Variants in KCNB2 observed in about 807,000 individuals in gnomAD.
KCNB2 encodes the protein potassium voltage-gated channel subfamily B member 2.
KCNB2 carries 15 observed loss-of-function variants against 61.5 expected under a neutral mutation model. That is an observed-to-expected ratio of 0.24 (90% CI 0.16 to 0.38). The LOEUF is 0.38. Ranked by LOEUF, KCNB2 falls within the 10% of genes least tolerant of loss-of-function variation. The probability of loss-of-function intolerance (pLI) is 1.00; values close to 1 mark genes in which losing one functional copy is unlikely to be tolerated. For missense variants in KCNB2, 828 were observed against 1,125.2 expected (o/e 0.74, Z 3.78); for synonymous variants, 457 against 446.0 (o/e 1.02, Z -0.31).
At chr8:72,795,311 C>T (rs943480991) in intron 2 of KCNB2, among the ~76,000 whole-genome samples, 1 of 152,154 alleles carries the variant, frequency 6.6e-6, no homozygotes, top group African/African-American at 2.4e-5. Flanking sequence ...TAAGATACAA[C>T]AGTTGTGGGC....
At chr8:72,543,018 C>T (rs897393358) in intron 1 of KCNB2, among the ~76,000 whole-genome samples, 48 of 152,122 alleles carry the variant, frequency 3.2e-4, no homozygotes, top group African/African-American at 9.4e-4. Context: ...ATGACAGAAG[C>T]ATCCCAACAG....
chr8:72,924,911 T>C (rs996574012), intron 2 of KCNB2, among the ~76,000 whole-genome samples: 3 of 152,174 alleles, frequency 2.0e-5, no homozygotes, highest in Admixed American at 6.5e-5. Context: ...ATAAAGTGGA[T>C]CACGCAAGCT....
chr8:72,830,719 T>C (rs1047958717), intron 2 of KCNB2, among the ~76,000 whole-genome samples: 7 of 152,244 alleles, frequency 4.6e-5, no homozygotes, highest in South Asian at 2.1e-4. Flanking sequence ...TGTCCTTCCA[T>C]AGGCACACCA....
intron 2 of KCNB2, among the ~76,000 whole-genome samples, chr8:72,759,623 A>G (rs1408388360): frequency 6.6e-6 from 1 of 152,176 alleles, no homozygotes; most frequent in East Asian, 1.9e-4. Context: ...TGTGATCCAC[A>G]CTAACCATTA....
At position 72,907,219 on chromosome 8, in the gene KCNB2, T is replaced by C. The variant is rs189525544; in HGVS notation, c.580-28716T>C. Reference sequence around the variant, plus strand: ...TAAAATTACAAAAATTAGCTGGGCATGGTGGCACACGCCTGTAGTTCCAGC... The same window carrying C: ...TAAAATTACAAAAATTAGCTGGGCACGGTGGCACACGCCTGTAGTTCCAGC... On this transcript the variant is annotated intron_variant, in intron 2 of 2. Transcript: ENST00000523207. 4.3e-3 allele frequency among the ~76,000 whole-genome samples: 647 copies of C among 152,174 alleles called. 4 individuals carry two copies. Among genetic ancestry groups the C allele is most frequent in the Non-Finnish European group, 5.3e-3 (360 of 68,008 alleles).
At chr8:72,751,582 C>G (rs1284102940) in intron 2 of KCNB2, 1 of 152,182 alleles carries the variant, frequency 6.6e-6, no homozygotes, top group Non-Finnish European at 1.5e-5. Flanking sequence ...GGCACCAAGG[C>G]AAGTCATAAG....
At chr8:72,600,122 T>C (rs1807270270) in intron 2 of KCNB2, among the ~76,000 whole-genome samples, 1 of 152,230 alleles carries the variant, frequency 6.6e-6, no homozygotes, top group Non-Finnish European at 1.5e-5. Context: ...TAAATCATGC[T>C]GCTATAAAGA....
At chr8:72,674,973 T>C (rs1258938782) in intron 2 of KCNB2, among the ~76,000 whole-genome samples, 1 of 152,208 alleles carries the variant, frequency 6.6e-6, no homozygotes, top group Non-Finnish European at 1.5e-5. Flanking sequence ...TAAAACATGT[T>C]CCTATAACAA....
chr8:72,719,249 C>T (rs757067657), intron 2 of KCNB2, among the ~76,000 whole-genome samples: 2 of 152,122 alleles, frequency 1.3e-5, no homozygotes, highest in Non-Finnish European at 2.9e-5. Flanking sequence ...GTATTAGCCA[C>T]ATCTATAAGG....
At chr8:72,914,904 T>A (rs971811967) in intron 2 of KCNB2, among the ~76,000 whole-genome samples, 1 of 147,896 alleles carries the variant, frequency 6.8e-6, no homozygotes, top group African/African-American at 2.6e-5. Flanking sequence ...ATGACTAATC[T>A]TCTTTTTTTT....
chr8:72,677,724 T>A (rs1009504811), intron 2 of KCNB2, among the ~76,000 whole-genome samples: 3 of 152,214 alleles, frequency 2.0e-5, no homozygotes, highest in Non-Finnish European at 4.4e-5. Context: ...TTAGTCTCCT[T>A]TGATGGTTCC....
At chr8:72,896,882 T>C (rs563834778) in intron 2 of KCNB2, among the ~76,000 whole-genome samples, 2 of 152,278 alleles carry the variant, frequency 1.3e-5, no homozygotes, top group South Asian at 2.1e-4. Flanking sequence ...TCAGAAACTT[T>C]ATTTTCACTC....
At chr8:72,770,957 T>C (rs1457308882) in intron 2 of KCNB2, among the ~76,000 whole-genome samples, 4 of 152,230 alleles carry the variant, frequency 2.6e-5, no homozygotes, top group African/African-American at 4.8e-5. Context: ...TTGCTCCAAA[T>C]GATATTTTAA....
chr8:72,819,687 C>G (rs1406255954), intron 2 of KCNB2, among the ~76,000 whole-genome samples: 1 of 152,086 alleles, frequency 6.6e-6, no homozygotes, highest in Non-Finnish European at 1.5e-5. Flanking sequence ...TCAATAAATA[C>G]TAGCTGCTAT....
intron 2 of KCNB2, among the ~76,000 whole-genome samples, chr8:72,693,187 A>C (rs1806966071): frequency 6.6e-6 from 1 of 152,154 alleles, no homozygotes; most frequent in Admixed American, 6.5e-5. Flanking sequence ...GTTTGCAGTT[A>C]CAGCCAGACA....
intron 2 of KCNB2, chr8:72,881,885 C>A (rs1027793706): frequency 8.5e-5 from 13 of 152,130 alleles, no homozygotes; most frequent in African/African-American, 3.1e-4. Context: ...CCAGTGAAAA[C>A]CACTCAGAAC....
At chr8:72,747,827 G>T (rs1321120037) in intron 2 of KCNB2, among the ~76,000 whole-genome samples, 1 of 152,192 alleles carries the variant, frequency 6.6e-6, no homozygotes, top group Admixed American at 6.5e-5. Context: ...CTGTAATATT[G>T]TCATGCTTAG....
chr8:72,897,156 C>A (rs1161670737), intron 2 of KCNB2, among the ~76,000 whole-genome samples: 2 of 152,000 alleles, frequency 1.3e-5, no homozygotes, highest in Non-Finnish European at 1.5e-5. Context: ...TGAGACCACA[C>A]CTTATTAATT....
intron 2 of KCNB2, among the ~76,000 whole-genome samples, chr8:72,640,788 GA>G (rs1412301268): frequency 1.3e-5 from 2 of 152,062 alleles, no homozygotes; most frequent in African/African-American, 4.8e-5. Flanking sequence ...TGATTTTGAT[GA>G]AAAACTTTAT....
Sources: allele counts gnomAD v4.1 joint callset (sites outside exome capture counted in the v4.1 genomes callset), GRCh38; gene constraint gnomAD v4.1.1; transcripts MANE v1.5; gene names NCBI Gene and HGNC (gene_info 2026-07-23, HGNC 2026-07-21).